Variants in ZNF821 observed in about 807,000 individuals in gnomAD.
ZNF821 encodes zinc finger protein 821.
A neutral mutation model predicts 44.3 loss-of-function variants in ZNF821; 16 were observed. The observed-to-expected ratio is 0.36, with a 90% CI of 0.24 to 0.55. The LOEUF (loss-of-function observed/expected upper bound fraction) is 0.55, where lower values mean the gene tolerates loss of function less well. ZNF821 is among the 20% of genes least tolerant of loss of function. ZNF821 has a pLI of 0.86. For missense variants in ZNF821, 436 were observed against 547.6 expected (o/e 0.80, Z 2.03); for synonymous variants, 204 against 197.6 (o/e 1.03, Z -0.27).
chr16:71,875,818 C>G (rs1225701559), intron 3 of ZNF821, among the ~76,000 whole-genome samples: 1 of 152,158 alleles, frequency 6.6e-6, no homozygotes, highest in Non-Finnish European at 1.5e-5. Context: ...AGGGTGGTCT[C>G]AAACTCCTGA....
intron 1 of ZNF821, chr16:71,890,802 C>T (rs1378579206): frequency 1.9e-5 from 2 of 103,286 alleles, no homozygotes; most frequent in African/African-American, 4.2e-5. Context: ...GAGGGAGTCT[C>T]ACTCTGTCAC....
At position 71,860,770 on chromosome 16, in the gene ZNF821, C is replaced by T. The variant is rs897084595; in HGVS notation, c.585-98G>A. Reference sequence around the variant, plus strand: ...TTTTCCTATGAGGCCAGTGGCTCCACGCTCACCACAAGGGGTCAGTTTGAA... The same window carrying T: ...TTTTCCTATGAGGCCAGTGGCTCCATGCTCACCACAAGGGGTCAGTTTGAA... On this transcript the variant is annotated intron_variant, in intron 7 of 7. Transcript: ENST00000425432. The surrounding 1 kb of genome is among the most constrained non-coding windows in gnomAD (Gnocchi z 7.3). The T allele has an allele frequency of 5.6e-6, 7 of 1,257,304 alleles. No individual in the cohort carries two copies. The Admixed American group carries it at 6.9e-5, about 12-fold the overall frequency. 77.9% of individuals were successfully genotyped at this position (1,257,304 alleles called of 1,614,324 possible).
In ZNF821 at chr16:71,879,959, C is replaced by G. The variant is rs1475078741; in HGVS notation, c.-13G>C. ...TCCGACGGGACATGTTTCCCTGATGCAAGAGCTCTGGTCTTTCCCAGTTTC... is the reference window on the plus strand; with the variant it reads ...TCCGACGGGACATGTTTCCCTGATGGAAGAGCTCTGGTCTTTCCCAGTTTC... On this transcript the variant is annotated 5_prime_UTR_variant, in exon 3 of 8. Transcript: ENST00000425432. The G allele has an allele frequency of 3.1e-6, 5 of 1,613,004 alleles. No homozygotes were observed. In the Admixed American group the frequency reaches 6.7e-5, roughly 22 times the overall value.
Position 71,879,993 on chromosome 16 carries a change from A to G in ZNF821, c.-47T>C, listed in dbSNP as rs1278788943. On this transcript the variant is annotated 5_prime_UTR_variant, in exon 3 of 8. Transcript: ENST00000425432. Reference sequence around the variant, plus strand: ...TGGTCTTTCCCAGTTTCACGACTGGATATGTTACTACCTCCTTGCAAGATG... The same window carrying G: ...TGGTCTTTCCCAGTTTCACGACTGGGTATGTTACTACCTCCTTGCAAGATG... The G allele has an allele frequency of 3.8e-6, 6 of 1,584,510 alleles. No individual in the cohort carries two copies. The highest frequency in any genetic ancestry group is 3.5e-6 in the Non-Finnish European group (4 of 1,156,392).
Position 71,860,420 on chromosome 16 carries a change from C to T in ZNF821, c.837G>A (p.Thr279=), listed in dbSNP as rs781173813. 14 of 1,613,214 alleles carry T rather than the reference C, an allele frequency of 8.7e-6. No homozygotes were observed. Among genetic ancestry groups the T allele is most frequent in the South Asian group, 3.3e-5 (3 of 91,094 alleles). The change falls in exon 8 of 8, where the codon ACG becomes ACA. Residue 279 remains threonine (T), a synonymous_variant. Coordinates refer to ENST00000425432, the MANE Select transcript of ZNF821 (RefSeq NM_001201552.2). The surrounding 1 kb of genome is among the most constrained non-coding windows in gnomAD (Gnocchi z 7.3). ...VRLQRLERER[T]AKKSRRDNET... is the part of the protein sequence containing the mutation. Reference sequence around the variant, plus strand: ...CATTGTCCCGCCGGCTCTTCTTGGCCGTGCGCTCTCGTTCCAGCCGCTGCA... The same window carrying T: ...CATTGTCCCGCCGGCTCTTCTTGGCTGTGCGCTCTCGTTCCAGCCGCTGCA...
chr16:71,892,571 A>T (rs532296743), intron 1 of ZNF821, among the ~76,000 whole-genome samples: 3,815 of 122,462 alleles, frequency 0.031, 83 homozygotes, highest in Middle Eastern at 0.062. Flanking sequence ...CCCGGCCAAA[A>T]TTTTTTTTTT....
upstream of ZNF821, among the ~76,000 whole-genome samples, chr16:71,889,792 AAATAT>A (rs2036875978): frequency 6.6e-6 from 1 of 152,304 alleles, no homozygotes; most frequent in Admixed American, 6.5e-5. Flanking sequence ...TCTACCAAAT[AAATAT>A]AAGAAATTAC....
At chr16:71,869,364 G>C (rs998547998) in intron 3 of ZNF821, among the ~76,000 whole-genome samples, 10 of 152,190 alleles carry the variant, frequency 6.6e-5, no homozygotes, top group African/African-American at 2.4e-4. Context: ...CTTGGGCAGT[G>C]AAAGACTTGA....
intron 3 of ZNF821, among the ~76,000 whole-genome samples, chr16:71,869,581 A>C (rs1442694659): frequency 6.6e-6 from 1 of 152,166 alleles, no homozygotes; most frequent in Non-Finnish European, 1.5e-5. Context: ...TTAGGAGAAA[A>C]CTAAGGTTAA....
rs2034223337 is a variant in ZNF821 at position 71,863,894 on chromosome 16, C to T, written c.417+244G>A. ...TGTATTTTTGGTAGAGACAGGGTTT[C>T]GCCATGTTGGCCAGGATGGTCTCGA... is the stretch of plus-strand genomic sequence containing the variant. On this transcript the variant is annotated intron_variant, in intron 6 of 7. Coordinates refer to ENST00000425432, the MANE Select transcript of ZNF821 (RefSeq NM_001201552.2). Among the ~76,000 whole-genome samples the T allele has an allele frequency of 3.3e-5, 5 of 152,282 alleles. No homozygotes were observed. The South Asian group carries it at 1.0e-3, about 32-fold the overall frequency.
rs564148404 is a variant in ZNF821, at chr16:71,875,101, C to A, written c.40+4806G>T. 2.0e-5 allele frequency among the ~76,000 whole-genome samples: 3 copies of A among 152,236 alleles called. No homozygotes were observed. In the South Asian group the frequency reaches 6.2e-4, roughly 32 times the overall value. ...GGTCTGCTCTTTAGTTGTAGCTGAA[C>A]ATCTGTGCTCACAGCCCCGCAGTAA... On this transcript the variant is annotated intron_variant, in intron 3 of 7. Coordinates refer to ENST00000425432, the MANE Select transcript of ZNF821 (RefSeq NM_001201552.2).
upstream of ZNF821, among the ~76,000 whole-genome samples, chr16:71,885,992 T>C (rs2036840371): frequency 6.6e-6 from 1 of 152,232 alleles, no homozygotes; most frequent in Admixed American, 6.6e-5. Context: ...GGCTTTATTA[T>C]GTCACTTTAA....
At chr16:71,865,181 T>C in intron 4 of ZNF821, 133 bp from the exon 5 acceptor site, 1 of 1,198,234 alleles carries the variant, frequency 8.3e-7, no homozygotes, top group Non-Finnish European at 1.2e-6. Context: ...ATAGTTTTGT[T>C]GGGTACATAT....
chr16:71,860,078 C>G lies in ZNF821; in HGVS notation c.1179G>C (p.Leu393Phe), dbSNP rs17850869. 1 of 1,614,100 alleles carries G rather than the reference C, an allele frequency of 6.2e-7. No homozygotes were observed. Among genetic ancestry groups the G allele is most frequent in the African/African-American group, 1.3e-5 (1 of 75,058 alleles). The change falls in exon 8 of 8, where the codon TTG becomes TTC. Residue 393 changes from leucine to phenylalanine, a missense_variant. Coordinates refer to ENST00000425432, the MANE Select transcript of ZNF821 (RefSeq NM_001201552.2). This position sits in a 1 kb window ranked among gnomAD's most constrained non-coding sequence, Gnocchi z 7.3. The part of the protein sequence containing the change: ...FFQLPVSGVE[L>F]DSQLLGKMAF... ...CCATCTTGCCCAGAAGCTGGCTGTC[C>G]AACTCCACCCCACTTACAGGCAGCT... is the stretch of plus-strand genomic sequence containing the variant.
Position 71,860,206 on chromosome 16 carries a change from G to A in ZNF821, c.1051C>T (p.Arg351Trp). ...ATTTTCTCCAGCCTCCTCTTGAGCC[G>A]CTTGGCCTCTCGCTCTCGGATGAGC... ...ARLIREREAK[R>W]LKRRLEKMDM... The change falls in exon 8 of 8, where the codon CGG (arginine) becomes TGG (tryptophan). Residue 351 changes from arginine to tryptophan, a missense_variant. This residue lies in a region of ZNF821 where 72 missense variants were observed against 133.3 expected (regional missense o/e 0.54). Coordinates refer to ENST00000425432, the MANE Select transcript of ZNF821 (RefSeq NM_001201552.2). This position sits in a 1 kb window ranked among gnomAD's most constrained non-coding sequence, Gnocchi z 7.3. 6.2e-7 allele frequency: 1 copy of A among 1,614,204 alleles called. No individual in the cohort carries two copies. Among genetic ancestry groups the A allele is most frequent in the Non-Finnish European group, 8.5e-7 (1 of 1,180,036 alleles).
chr16:71,892,340 C>T (rs2036891281), intron 1 of ZNF821, among the ~76,000 whole-genome samples: 1 of 151,384 alleles, frequency 6.6e-6, no homozygotes, highest in Non-Finnish European at 1.5e-5. Context: ...GATCTCGGCT[C>T]ACTGCAAGCT....
upstream of ZNF821, among the ~76,000 whole-genome samples, chr16:71,884,381 C>G (rs1037158593): frequency 6.6e-6 from 1 of 152,046 alleles, no homozygotes; most frequent in Non-Finnish European, 1.5e-5. Flanking sequence ...GCTCCGGAAC[C>G]CCCCGCCTCG....
At chr16:71,885,741 T>TA (rs2036828232), upstream of ZNF821, among the ~76,000 whole-genome samples, 3 of 152,262 alleles carry the variant, frequency 2.0e-5, no homozygotes, top group Non-Finnish European at 2.9e-5. Flanking sequence ...TCATTCATCA[T>TA]TCACTCATTT....
intron 6 of ZNF821, among the ~76,000 whole-genome samples, chr16:71,863,579 G>T (rs941338127): frequency 7.2e-5 from 11 of 151,826 alleles, no homozygotes; most frequent in Non-Finnish European, 1.3e-4. Context: ...TGTAGGGCTG[G>T]GGTCTTGCTA....
Sources: allele counts gnomAD v4.1 joint callset (sites outside exome capture counted in the v4.1 genomes callset), GRCh38; gene constraint gnomAD v4.1.1; regional missense constraint gnomAD v4.1.1; non-coding constraint Gnocchi (gnomAD v3.1); transcripts MANE v1.5; gene names NCBI Gene and HGNC (gene_info 2026-07-23, HGNC 2026-07-21).